Variants in SCN4A observed in about 807,000 individuals in gnomAD.
SCN4A encodes sodium channel protein type 4 subunit alpha.
A neutral mutation model predicts 162.0 loss-of-function variants in SCN4A; 83 were observed. The ratio of observed to expected loss-of-function variants is 0.51; its 90% CI spans 0.43 to 0.61. The LOEUF (loss-of-function observed/expected upper bound fraction) is 0.61. Ranked by LOEUF, SCN4A falls within the 20% of genes least tolerant of loss-of-function variation. The pLI is 0.00. For missense variants in SCN4A, 2,196 were observed against 2,462.5 expected (o/e 0.89, Z 2.29); for synonymous variants, 944 against 985.1 (o/e 0.96, Z 0.78).
At position 63,943,121 on chromosome 17, in the gene SCN4A, T is replaced by A. The variant is rs780127891; in HGVS notation, c.4018-25A>T. On this transcript the variant is annotated intron_variant, in intron 22 of 23. Coordinates refer to ENST00000435607, the MANE Select transcript of SCN4A (RefSeq NM_000334.4). ...TCTGCAGCATGGGTGGGAGTGGATG[T>A]GGAGGAGTTGGGGTGGCCAGGCCCA... is the stretch of plus-strand genomic sequence containing the variant. 6 of 1,596,724 alleles carry A rather than the reference T, an allele frequency of 3.8e-6. No homozygotes were observed. The South Asian group carries it at 6.7e-5, about 18-fold the overall frequency.
In SCN4A at chr17:63,957,475, A is replaced by G; in HGVS notation, c.2063T>C (p.Met688Thr). The G allele has an allele frequency of 6.2e-7, 1 of 1,613,850 alleles. No homozygotes were observed. Among genetic ancestry groups the G allele is most frequent in the Non-Finnish European group, 8.5e-7 (1 of 1,179,806 alleles). The part of the protein sequence containing the change: ...KLAKSWPTLN[M>T]LIKIIGNSVG... ...TGAATTGCCAATGATCTTGATGAGCATGTTCAGCGTTGGCCACGACTTGGC... is the reference window on the plus strand; with the variant it reads ...TGAATTGCCAATGATCTTGATGAGCGTGTTCAGCGTTGGCCACGACTTGGC... The change falls in exon 13 of 24, where the codon ATG (methionine) becomes ACG (threonine). Residue 688 changes from methionine to threonine, a missense_variant. Met to Thr is a moderately conservative substitution (Grantham distance 81). Coordinates refer to ENST00000435607, the MANE Select transcript of SCN4A (RefSeq NM_000334.4).
chr17:63,966,190 C>G lies in SCN4A; in HGVS notation c.1154G>C (p.Gly385Ala). 6.2e-7 allele frequency: 1 copy of G among 1,601,222 alleles called. No individual in the cohort carries two copies. The highest frequency in any genetic ancestry group is 8.5e-7 in the Non-Finnish European group (1 of 1,174,074). ...GCTGAAGGTGTCATAGCTGGTGTAG[C>G]CATAGTTGGGGTTCCGCCCGGTCTT... ...CIKTGRNPNY[G>A]YTSYDTFSWA... The change falls in exon 8 of 24, where the codon GGC (glycine) becomes GCC (alanine). Residue 385 changes from glycine (G) to alanine (A), a missense_variant. Physicochemically the swap from Gly to Ala is moderately conservative, Grantham distance 60. Coordinates refer to ENST00000435607, the MANE Select transcript of SCN4A (RefSeq NM_000334.4).
At chr17:63,946,476 C>G (rs3785565) in intron 18 of SCN4A, among the ~76,000 whole-genome samples, 13,637 of 127,714 alleles carry the variant, frequency 0.11, 938 homozygotes, top group Middle Eastern at 0.19. Flanking sequence ...CCCCCCCCAC[C>G]CCGCCGCAAC....
At chr17:63,959,578 G>T (rs2036672639) in intron 11 of SCN4A, 140 bp from the exon 12 acceptor site, 5 of 749,094 alleles carry the variant, frequency 6.7e-6, no homozygotes, top group Non-Finnish European at 1.1e-5. Flanking sequence ...AGCAGGAGTG[G>T]CATGCATGGC....
At chr17:63,963,217 C>T (rs902358019) in intron 10 of SCN4A, among the ~76,000 whole-genome samples, 1 of 152,190 alleles carries the variant, frequency 6.6e-6, no homozygotes, top group African/African-American at 2.4e-5. Context: ...GGGAGTCTGT[C>T]ACTCTGTTTG....
At chr17:63,970,129 C>A (rs770822018) in intron 5 of SCN4A, among the ~76,000 whole-genome samples, 1 of 152,110 alleles carries the variant, frequency 6.6e-6, no homozygotes. Context: ...ATTGCTCTGA[C>A]CTTATTGCTC....
Position 63,943,083 on chromosome 17 carries a change from C to T in SCN4A, c.4031G>A (p.Gly1344Asp), listed in dbSNP as rs371949054. The change falls in exon 23 of 24, where the codon GGC becomes GAC. Residue 1344 changes from glycine (G) to aspartate (D), a missense_variant. Transcript: ENST00000435607. ...CTTCGTCACGAGGTCATACACCATG[C>T]CCTGGATCTTGTTCTGCAGCATGGG... ...PIPRPQNKIQ[G>D]MVYDLVTKQA... is the part of the protein sequence containing the mutation. The T allele has an allele frequency of 1.2e-6, 2 of 1,610,768 alleles. No individual in the cohort carries two copies. The highest frequency in any genetic ancestry group is 1.3e-5 in the African/African-American group (1 of 74,864).
At position 63,951,534 on chromosome 17, in the gene SCN4A, T is replaced by C. The variant is rs1441373849; in HGVS notation, c.2743A>G (p.Ile915Val). The stretch of plus-strand genomic sequence containing the variant: ...TGTATGGTCAGGTAGGGGTTGTTGA[T>C]GAAGTTAAGGTGGTCCAGCTCGAGG... ...SSLELDHLNF[I>V]NNPYLTIQVP... Residue 915 changes from isoleucine to valine, a missense_variant, in exon 14 of 24, where the codon ATC becomes GTC. Ile to Val is a conservative substitution (Grantham distance 29). Coordinates refer to ENST00000435607, the MANE Select transcript of SCN4A (RefSeq NM_000334.4). This position sits in a 1 kb window ranked among gnomAD's most constrained non-coding sequence, Gnocchi z 4.5. 1.9e-6 allele frequency: 3 copies of C among 1,613,848 alleles called. No individual in the cohort carries two copies. In the South Asian group the frequency reaches 3.3e-5, roughly 18 times the overall value.
Position 63,957,285 on chromosome 17 carries a change from G to A in SCN4A, c.2253C>T (p.Phe751=). ...RWHMHDFFHS[F]LIVFRILCGE... ...CGCACAGGATGCGGAAGACGATGAG[G>A]AAGGAGTGGAAGAAATCATGCATGT... The change falls in exon 13 of 24, where the codon TTC becomes TTT. Residue 751 remains phenylalanine (F), a synonymous_variant. Transcript: ENST00000435607. The A allele has an allele frequency of 6.2e-7, 1 of 1,614,194 alleles. No homozygotes were observed. The highest frequency in any genetic ancestry group is 8.5e-7 in the Non-Finnish European group (1 of 1,179,998).
chr17:63,966,583 A>T (rs1909454121), intron 6 of SCN4A, 39 bp from the exon 7 acceptor site: 1 of 1,516,894 alleles, frequency 6.6e-7, no homozygotes, highest in Non-Finnish European at 9.2e-7. Flanking sequence ...CAAGTCACCC[A>T]CATGGACACA....
intron 10 of SCN4A, among the ~76,000 whole-genome samples, chr17:63,963,366 G>A (rs1488326668): frequency 6.6e-6 from 1 of 152,176 alleles, no homozygotes; most frequent in Non-Finnish European, 1.5e-5. Flanking sequence ...AGGCCCTCCC[G>A]GAAGCCCCCA....
chr17:63,948,819 C>A, intron 15 of SCN4A, 54 bp from the exon 16 acceptor site: 4 of 1,510,408 alleles, frequency 2.6e-6, no homozygotes, highest in South Asian at 1.3e-5. Context: ...CCTGGGGTTG[C>A]CTTGGGGTGC....
rs1258484574 is a variant in SCN4A, at chr17:63,951,239, A to G, written c.2853+185T>C. Among the ~76,000 whole-genome samples, 4 of 152,166 alleles carry G rather than the reference A, an allele frequency of 2.6e-5. No individual in the cohort carries two copies. Among genetic ancestry groups the G allele is most frequent in the Non-Finnish European group, 4.4e-5 (3 of 68,020 alleles). On this transcript the variant is annotated intron_variant, in intron 14 of 23. Coordinates refer to ENST00000435607, the MANE Select transcript of SCN4A (RefSeq NM_000334.4). The surrounding 1 kb of genome is among the most constrained non-coding windows in gnomAD (Gnocchi z 4.5). The stretch of plus-strand genomic sequence containing the variant: ...CACATCAATAACGATAGTGACTGCC[A>G]CCACTCACAGGGCGCGGACTGCATG...
Position 63,957,480 on chromosome 17 carries a change from C to T in SCN4A, c.2058G>A (p.Leu686=), listed in dbSNP as rs1200315508. 6.2e-7 allele frequency: 1 copy of T among 1,613,150 alleles called. No individual in the cohort carries two copies. The highest frequency in any genetic ancestry group is 1.1e-5 in the South Asian group (1 of 91,076). ...VFKLAKSWPT[L]NMLIKIIGNS... ...TGCCAATGATCTTGATGAGCATGTT[C>T]AGCGTTGGCCACGACTTGGCCAGCT... Residue 686 remains leucine (L), a synonymous_variant, in exon 13 of 24, where the codon CTG becomes CTA. Transcript: ENST00000435607.
Position 63,940,807 on chromosome 17 carries a change from C to A in SCN4A, c.5475G>T (p.Gln1825His). The A allele has an allele frequency of 6.3e-7, 1 of 1,595,748 alleles. No homozygotes were observed. Among genetic ancestry groups the A allele is most frequent in the Non-Finnish European group, 8.6e-7 (1 of 1,169,000 alleles). ...ACTCCTTGACACCTGGGCGCACAGT[C>A]TGCCCTGGGGGAGGGGCGGGAGGCC... is the stretch of plus-strand genomic sequence containing the variant. ...TAWPPAPPPGQTVRPGVKESL... is the reference protein window; with the variant it reads ...TAWPPAPPPGHTVRPGVKESL... Residue 1825 changes from glutamine (Q) to histidine (H), a missense_variant, in exon 24 of 24, where the codon CAG (glutamine) becomes CAT (histidine). Physicochemically the swap from Gln to His is conservative, Grantham distance 24. Coordinates refer to ENST00000435607, the MANE Select transcript of SCN4A (RefSeq NM_000334.4).
At chr17:63,961,652 G>T in intron 10 of SCN4A, 1 of 488,070 alleles carries the variant, frequency 2.0e-6, no homozygotes, top group Non-Finnish European at 3.7e-6. Flanking sequence ...AAAGCCCCGC[G>T]CTCTGAGCGC....
At chr17:63,955,584 C>G (rs76543872) in intron 13 of SCN4A, among the ~76,000 whole-genome samples, 1 of 152,132 alleles carries the variant, frequency 6.6e-6, no homozygotes, top group Non-Finnish European at 1.5e-5. Flanking sequence ...GGATTTAAAA[C>G]GTTTCTGAGT....
chr17:63,958,686 G>A (rs930881714), intron 12 of SCN4A, among the ~76,000 whole-genome samples: 2 of 152,174 alleles, frequency 1.3e-5, no homozygotes, highest in African/African-American at 4.8e-5. Context: ...CCAAGTAGCT[G>A]GGATTACAGG....
intron 6 of SCN4A, among the ~76,000 whole-genome samples, chr17:63,966,810 G>T (rs866414336): frequency 6.6e-6 from 1 of 152,204 alleles, no homozygotes; most frequent in Non-Finnish European, 1.5e-5. Context: ...GCACAGAGAC[G>T]GAACGTGTAC....
Sources: allele counts gnomAD v4.1 joint callset (sites outside exome capture counted in the v4.1 genomes callset), GRCh38; gene constraint gnomAD v4.1.1; non-coding constraint Gnocchi (gnomAD v3.1); transcripts MANE v1.5; gene names NCBI Gene and HGNC (gene_info 2026-07-23, HGNC 2026-07-21).